The following AKAP13 variants were observed in gnomAD, a reference collection of about 807,000 sequenced individuals.
The protein encoded by AKAP13 is A-kinase anchoring protein 13.
Under a neutral mutation model 264.5 loss-of-function variants are expected in AKAP13, and 80 were observed. The observed-to-expected ratio is 0.30, with a 90% CI of 0.25 to 0.36. AKAP13 has a LOEUF of 0.36. Ranked by LOEUF, AKAP13 falls within the 10% of genes least tolerant of loss-of-function variation. The pLI is 1.00. For missense variants in AKAP13, 3,712 were observed against 3,435.2 expected, an observed-to-expected ratio of 1.08 and a Z score of -2.01; for synonymous variants, 1,380 against 1,250.2, an observed-to-expected ratio of 1.10 and a Z score of -2.19.
At chr15:85,398,333 G>C (rs1302819019) in intron 1 of AKAP13, among the ~76,000 whole-genome samples, 1 of 152,068 alleles carries the variant, frequency 6.6e-6, no homozygotes, top group Non-Finnish European at 1.5e-5. Flanking sequence ...AGTTCCTCTA[G>C]AAATTTAGGA....
At chr15:85,513,231 A>T (rs2880765) in intron 2 of AKAP13, among the ~76,000 whole-genome samples, 73,000 of 151,980 alleles carry the variant, frequency 0.48, 18,213 homozygotes, top group Middle Eastern at 0.61. Context: ...ATGCTCTCAG[A>T]GTGAGGCTGA....
intron 6 of AKAP13, among the ~76,000 whole-genome samples, chr15:85,578,385 T>G (rs910283180): frequency 2.0e-5 from 3 of 152,212 alleles, no homozygotes; most frequent in Admixed American, 6.5e-5. Flanking sequence ...TTTGCTCTTA[T>G]TGCCCAGGCT....
intron 1 of AKAP13, among the ~76,000 whole-genome samples, chr15:85,458,436 C>T (rs1292502966): frequency 1.1e-4 from 14 of 124,270 alleles, no homozygotes; most frequent in African/African-American, 4.4e-4. Context: ...TGCAACACAT[C>T]TGTATTTTAG....
intron 3 of AKAP13, among the ~76,000 whole-genome samples, chr15:85,527,895 G>T (rs2077128293): frequency 6.6e-6 from 1 of 152,140 alleles, no homozygotes; most frequent in Admixed American, 6.5e-5. Flanking sequence ...AAGTAATAAA[G>T]ATATTATTTT....
intron 3 of AKAP13, among the ~76,000 whole-genome samples, chr15:85,533,298 C>T (rs974268499): frequency 1.3e-5 from 2 of 152,210 alleles, no homozygotes; most frequent in African/African-American, 4.8e-5. Flanking sequence ...TGTTGACATT[C>T]AGAGCCTGTT....
chr15:85,624,261 A>G (rs1228399777), intron 8 of AKAP13, among the ~76,000 whole-genome samples: 2 of 119,056 alleles, frequency 1.7e-5, no homozygotes, highest in African/African-American at 6.6e-5. Context: ...GTAATTCAGA[A>G]CATTAATTAG....
chr15:85,639,980 T>C (rs1358759732), intron 9 of AKAP13, among the ~76,000 whole-genome samples: 2 of 152,230 alleles, frequency 1.3e-5, no homozygotes. Flanking sequence ...AAGTCTTTCC[T>C]TAAGTACCTT....
intron 8 of AKAP13, among the ~76,000 whole-genome samples, chr15:85,620,574 C>T (rs2081138674): frequency 6.6e-6 from 1 of 152,064 alleles, no homozygotes; most frequent in Non-Finnish European, 1.5e-5. Flanking sequence ...CTGCCTCTGT[C>T]TTTTAAGTAT....
chr15:85,591,627 C>A (rs2079582842), intron 8 of AKAP13, among the ~76,000 whole-genome samples: 1 of 150,266 alleles, frequency 6.7e-6, no homozygotes, highest in Non-Finnish European at 1.5e-5. Context: ...ACATTGAATA[C>A]TTAAGTTCAG....
intron 5 of AKAP13, chr15:85,544,206 T>C: frequency 1.6e-6 from 1 of 612,196 alleles, no homozygotes; most frequent in Non-Finnish European, 3.0e-6. Flanking sequence ...TCTTATCTCT[T>C]ATATTTTACT....
chr15:85,699,529 G>A (rs772299015), intron 17 of AKAP13, among the ~76,000 whole-genome samples: 1 of 152,110 alleles, frequency 6.6e-6, no homozygotes, highest in African/African-American at 2.4e-5. Context: ...GAAATAAGGA[G>A]AAAAGGAGTT....
At chr15:85,453,347 C>G (rs1028789112) in intron 1 of AKAP13, among the ~76,000 whole-genome samples, 4 of 152,072 alleles carry the variant, frequency 2.6e-5, no homozygotes, top group Non-Finnish European at 5.9e-5. Flanking sequence ...GGATCAGCCA[C>G]CCACGTAACA....
intron 1 of AKAP13, among the ~76,000 whole-genome samples, chr15:85,468,322 A>T (rs1418056580): frequency 6.6e-6 from 1 of 152,118 alleles, no homozygotes; most frequent in Non-Finnish European, 1.5e-5. Context: ...GTATATTGAG[A>T]TTGGAAAATC....
chr15:85,736,912 C>CA (rs35838521), intron 33 of AKAP13, among the ~76,000 whole-genome samples: 1 of 98,040 alleles, frequency 1.0e-5, no homozygotes, highest in Admixed American at 1.3e-4. Context: ...ATATCATCAT[C>CA]TTTTTTTTTT....
rs993934431 is a variant in AKAP13, at chr15:85,513,839, C to T, written c.34-7589C>T. Among the ~76,000 whole-genome samples the T allele has an allele frequency of 9.0e-5, 8 of 88,756 alleles. 1 individual carries two copies. Among genetic ancestry groups the T allele is most frequent in the African/African-American group, 3.4e-4 (6 of 17,838 alleles). 58.2% of individuals were successfully genotyped at this position (88,756 alleles called of 152,430 possible). On this transcript the variant is annotated intron_variant, in intron 2 of 36. Transcript: ENST00000394518. ...GCTTAATAGACTGTTTCTCATTGTC[C>T]GACGTTTCCTTGTGATTAGGTTGAG...
intron 19 of AKAP13, among the ~76,000 whole-genome samples, chr15:85,715,313 T>C (rs187137699): frequency 2.0e-4 from 30 of 152,314 alleles, no homozygotes; most frequent in South Asian, 1.2e-3. Flanking sequence ...GTATAACTTA[T>C]TCACCAGTCT....
intron 30 of AKAP13, among the ~76,000 whole-genome samples, chr15:85,734,552 T>C (rs1348169238): frequency 6.6e-6 from 1 of 152,206 alleles, no homozygotes. Flanking sequence ...AGAACCCTAG[T>C]GGGCCAGAGT....
chr15:85,722,980 A>G, intron 25 of AKAP13, 92 bp from the exon 26 acceptor site: 2 of 1,501,022 alleles, frequency 1.3e-6, no homozygotes, highest in South Asian at 1.3e-5. Flanking sequence ...CACAAAGGGA[A>G]AAGATGATAT....
intron 5 of AKAP13, among the ~76,000 whole-genome samples, chr15:85,565,525 A>C (rs1158112400): frequency 6.6e-6 from 1 of 152,240 alleles, no homozygotes; most frequent in Non-Finnish European, 1.5e-5. Context: ...TTTATGGCAG[A>C]AACACAAGGC....
Sources: allele counts gnomAD v4.1 joint callset (sites outside exome capture counted in the v4.1 genomes callset), GRCh38; gene constraint gnomAD v4.1.1; transcripts MANE v1.5; gene names NCBI Gene and HGNC (gene_info 2026-07-23, HGNC 2026-07-21).